The following LY75 variants were observed in gnomAD, a reference collection of about 807,000 sequenced individuals.
LY75 encodes C-type lectin domain family 13 member B.
LY75 carries 185 observed loss-of-function variants against 231.7 expected under a neutral mutation model. That is an observed-to-expected ratio of 0.80 (90% CI 0.71 to 0.90). LY75 has a LOEUF of 0.90. Ranked by LOEUF, LY75 falls within the 40% of genes least tolerant of loss-of-function variation. The pLI is 0.00. For synonymous variants in LY75, 668 were observed against 689.0 expected, an observed-to-expected ratio of 0.97 and a Z score of 0.48; for missense variants, 1,947 against 2,050.2, an observed-to-expected ratio of 0.95 and a Z score of 0.97.
At position 159,858,483 on chromosome 2, in the gene LY75, G is replaced by A; in HGVS notation, c.2269-7C>T. 20 of 1,606,436 alleles carry A rather than the reference G, an allele frequency of 1.2e-5. No individual in the cohort carries two copies. Among genetic ancestry groups the A allele is most frequent in the East Asian group, 2.2e-5 (1 of 44,618 alleles). ...GCCATGGCCTATGAAATACCTATAA[G>A]AGGAAAAGTATTGCAGAATATTTTG... On this transcript the variant is annotated splice_region_variant and splice_polypyrimidine_tract_variant and intron_variant, in intron 15 of 34. Coordinates refer to ENST00000263636, the MANE Select transcript of LY75 (RefSeq NM_002349.4).
intron 9 of LY75, 116 bp from the exon 10 acceptor site, chr2:159,878,837 G>T: frequency 8.9e-7 from 1 of 1,122,532 alleles, no homozygotes. Context: ...TTGAGGACAT[G>T]GCTATTGAAA....
chr2:159,807,529 C>T (rs563620131), intron 33 of LY75: 3 of 695,040 alleles, frequency 4.3e-6, no homozygotes, highest in African/African-American at 1.9e-5. Context: ...AAAGTCATAT[C>T]ATTAAAGATA....
At chr2:159,820,418 A>C (rs1352584297) in intron 28 of LY75, among the ~76,000 whole-genome samples, 1 of 152,242 alleles carries the variant, frequency 6.6e-6, no homozygotes, top group East Asian at 1.9e-4. Flanking sequence ...CATTATTCTA[A>C]GTGAAGTAAC....
intron 31 of LY75, among the ~76,000 whole-genome samples, chr2:159,814,363 C>T (rs995419910): frequency 6.6e-6 from 1 of 152,128 alleles, no homozygotes; most frequent in Admixed American, 6.5e-5. Flanking sequence ...CTCTTAGAAC[C>T]TTTGGCCAGG....
chr2:159,849,594 A>T (rs2125853210), intron 23 of LY75, among the ~76,000 whole-genome samples: 1 of 152,272 alleles, frequency 6.6e-6, no homozygotes, highest in Non-Finnish European at 1.5e-5. Context: ...AAACCAGTAC[A>T]TCCATCAGAA....
chr2:159,842,531 C>T, intron 23 of LY75, 157 bp from the exon 24 acceptor site: 1 of 722,932 alleles, frequency 1.4e-6, no homozygotes, highest in Non-Finnish European at 1.7e-6. Context: ...TAAAAACTTT[C>T]AAAGCATGGA....
chr2:159,860,159 C>G (rs1684662855), intron 15 of LY75, among the ~76,000 whole-genome samples: 1 of 152,176 alleles, frequency 6.6e-6, no homozygotes, highest in Non-Finnish European at 1.5e-5. Flanking sequence ...AAGGAAGATG[C>G]CTCACTGGTC....
chr2:159,904,690 T>C lies in LY75; in HGVS notation c.-8A>G, dbSNP rs942361248. ...CGCCCAGCCTGTCCTCATCCTGAGCTGGCGCAAGCCTTCCGGCCGGGTCCT... is the reference window on the plus strand; with the variant it reads ...CGCCCAGCCTGTCCTCATCCTGAGCCGGCGCAAGCCTTCCGGCCGGGTCCT... On this transcript the variant is annotated 5_prime_UTR_variant, in exon 1 of 35. Transcript: ENST00000263636. 2.1e-6 allele frequency: 3 copies of C among 1,428,000 alleles called. No individual in the cohort carries two copies. Among genetic ancestry groups the C allele is most frequent in the Non-Finnish European group, 2.7e-6 (3 of 1,097,526 alleles). The allele number at this position is 1,428,000 out of a possible 1,614,324, so 88.5% of individuals were successfully genotyped here.
intron 12 of LY75, among the ~76,000 whole-genome samples, chr2:159,874,132 A>AAAAGTATATATATTTTGTAAATATATAT (rs1685109717): frequency 1.0e-4 from 1 of 9,702 alleles, no homozygotes; most frequent in African/African-American, 1.3e-4. Context: ...GTAAATATAT[A>AAAAGTATATATATTTTGTAAATATATAT]AACGTATATA....
intron 31 of LY75, 88 bp from the exon 32 acceptor site, chr2:159,810,763 G>T: frequency 2.6e-6 from 4 of 1,554,016 alleles, no homozygotes; most frequent in Non-Finnish European, 8.7e-7. Flanking sequence ...GATTGGAACT[G>T]TTGCGTTTGT....
At chr2:159,828,394 A>T (rs1014170816) in intron 28 of LY75, among the ~76,000 whole-genome samples, 1 of 152,192 alleles carries the variant, frequency 6.6e-6, no homozygotes, top group Admixed American at 6.5e-5. Flanking sequence ...TTCAATAAGC[A>T]CATGAAAAGA....
chr2:159,850,558 A>G, intron 21 of LY75, 91 bp from the exon 22 acceptor site: 1 of 1,542,020 alleles, frequency 6.5e-7, no homozygotes, highest in Non-Finnish European at 8.8e-7. Context: ...GAGGGCTGCT[A>G]ATTTTCGGTC....
chr2:159,857,234 A>ACTG (rs1212243964), intron 16 of LY75, among the ~76,000 whole-genome samples: 2 of 152,198 alleles, frequency 1.3e-5, no homozygotes, highest in Non-Finnish European at 2.9e-5. Context: ...GAGATTTGCT[A>ACTG]CTACCTGATG....
chr2:159,880,397 T>C (rs1685398641), intron 8 of LY75, among the ~76,000 whole-genome samples: 1 of 152,218 alleles, frequency 6.6e-6, no homozygotes, highest in Non-Finnish European at 1.5e-5. Flanking sequence ...TATAAAACAA[T>C]CTGAACATGA....
At position 159,872,605 on chromosome 2, in the gene LY75, A is replaced by G. The variant is rs1232393236; in HGVS notation, c.1975-12T>C. The G allele has an allele frequency of 1.2e-6, 2 of 1,606,384 alleles. No homozygotes were observed. The highest frequency in any genetic ancestry group is 2.7e-5 in the African/African-American group (2 of 74,144). On this transcript the variant is annotated splice_polypyrimidine_tract_variant and intron_variant, in intron 12 of 34. Transcript: ENST00000263636. ...TCTGCATGGAATACCTTAGCAAAAT[A>G]TAATATTAATTTGTTTTATGGTATT...
rs185223399 is a variant in LY75, at chr2:159,838,940, C to T, written c.3507+1789G>A. ...CCTTCTGAGTAGCTGGGGTTACAGA[C>T]GCCCGCCATGATACCCAGCTAATTT... On this transcript the variant is annotated intron_variant, in intron 25 of 34. Transcript: ENST00000263636. Among the ~76,000 whole-genome samples the T allele has an allele frequency of 3.3e-3, 502 of 152,124 alleles. 1 individual carries two copies. Among genetic ancestry groups the T allele is most frequent in the African/African-American group, 0.012 (482 of 41,506 alleles).
At chr2:159,895,090 C>A (rs1288079757) in intron 2 of LY75, among the ~76,000 whole-genome samples, 1 of 152,198 alleles carries the variant, frequency 6.6e-6, no homozygotes, top group Admixed American at 6.5e-5. Flanking sequence ...CACAGATTTG[C>A]TTAAAAGTGT....
At chr2:159,884,614 A>C (rs1685532535) in intron 6 of LY75, among the ~76,000 whole-genome samples, 1 of 152,188 alleles carries the variant, frequency 6.6e-6, no homozygotes, top group Admixed American at 6.6e-5. Flanking sequence ...AAGGTAGAGA[A>C]GCCTGGGCTT....
At chr2:159,882,672 T>C (rs1423558822) in intron 6 of LY75, among the ~76,000 whole-genome samples, 1 of 152,150 alleles carries the variant, frequency 6.6e-6, no homozygotes, top group Non-Finnish European at 1.5e-5. Flanking sequence ...TTCCTGGATA[T>C]GGAATTTGTT....
Sources: gnomAD v4.1 joint callset for allele counts (sites outside exome capture counted in the v4.1 genomes callset) on GRCh38, gnomAD v4.1.1 for gene constraint, MANE v1.5 for transcripts, NCBI Gene and HGNC (gene_info 2026-07-23, HGNC 2026-07-21) for gene names.